CXCL17: variants seen among roughly 807,000 people sequenced by gnomAD.
CXCL17 encodes the protein C-X-C motif chemokine 17.
CXCL17 carries 9 observed loss-of-function variants against 15.5 expected under a neutral mutation model. The ratio of observed to expected loss-of-function variants is 0.58; its 90% CI spans 0.35 to 1.01. The LOEUF (loss-of-function observed/expected upper bound fraction) is 1.01. CXCL17 is among the 50% of genes least tolerant of loss of function. The pLI is 0.02. For synonymous variants in CXCL17, 52 were observed against 52.3 expected (o/e 0.99, Z 0.02); for missense variants, 133 against 138.2 (o/e 0.96, Z 0.19).
At chr19:42,429,800 T>C (rs1476508739) in intron 3 of CXCL17, among the ~76,000 whole-genome samples, 1 of 152,248 alleles carries the variant, frequency 6.6e-6, no homozygotes, top group African/African-American at 2.4e-5. Context: ...CCATACCTTC[T>C]GGTATATAAA....
intron 1 of CXCL17, among the ~76,000 whole-genome samples, chr19:42,437,420 C>T (rs182152620): frequency 6.6e-6 from 1 of 152,090 alleles, no homozygotes; most frequent in Admixed American, 6.5e-5. Context: ...TTTTGGGAAC[C>T]ACTGATACAG....
rs374072353 is a variant in CXCL17, at chr19:42,433,772, T to A, written c.160+4A>T. Reference sequence around the variant, plus strand: ...ATCGCTGTTGTTGTTGCTGAATTACTGACCTTTGCACTCACATTCTTGGCC... The same window carrying A: ...ATCGCTGTTGTTGTTGCTGAATTACAGACCTTTGCACTCACATTCTTGGCC... On this transcript the variant is annotated splice_donor_region_variant and intron_variant, in intron 2 of 3. Coordinates refer to ENST00000601181, the MANE Select transcript of CXCL17 (RefSeq NM_198477.3). The A allele has an allele frequency of 1.9e-6, 3 of 1,613,410 alleles. No individual in the cohort carries two copies. Among genetic ancestry groups the A allele is most frequent in the Middle Eastern group, 1.7e-4 (1 of 6,060 alleles).
At chr19:42,438,381 A>ATATATAT (rs1338855267) in intron 1 of CXCL17, among the ~76,000 whole-genome samples, 3 of 63,850 alleles carry the variant, frequency 4.7e-5, no homozygotes, top group Non-Finnish European at 7.7e-5. Flanking sequence ...AAAAAAAAAA[A>ATATATAT]ATATATATAT....
At position 42,433,848 on chromosome 19, in the gene CXCL17, T is replaced by A; in HGVS notation, c.88A>T (p.Arg30Ter). ...VSSSLNPGVA[R>*]GHRDRGQASR... Reference sequence around the variant, plus strand: ...GCCTGGCCTCGGTCCCTGTGGCCTCTGGCGACCCCTGTCGGAAGGAAACAG... The same window carrying A: ...GCCTGGCCTCGGTCCCTGTGGCCTCAGGCGACCCCTGTCGGAAGGAAACAG... Residue 30 changes from arginine (R) to a stop codon, truncating the protein, a stop_gained, in exon 2 of 4, where the codon AGA becomes TGA. Transcript: ENST00000601181. LOFTEE classifies it high-confidence loss of function. 6.2e-7 allele frequency: 1 copy of A among 1,613,888 alleles called. No homozygotes were observed. Among genetic ancestry groups the A allele is most frequent in the Non-Finnish European group, 8.5e-7 (1 of 1,179,882 alleles).
intron 1 of CXCL17, among the ~76,000 whole-genome samples, chr19:42,437,408 A>T (rs574592405): frequency 3.3e-5 from 5 of 152,318 alleles, no homozygotes; most frequent in African/African-American, 1.2e-4. Context: ...ACCTAAAATC[A>T]GTTTTGGGAA....
chr19:42,435,854 G>T (rs1163542323), intron 1 of CXCL17, among the ~76,000 whole-genome samples: 2 of 151,238 alleles, frequency 1.3e-5, no homozygotes, highest in Non-Finnish European at 3.0e-5. Context: ...AAGTAGGGGG[G>T]ATCCTAGAGA....
rs374072353 is a variant in CXCL17 at position 42,433,772 on chromosome 19, T to C, written c.160+4A>G. On this transcript the variant is annotated splice_donor_region_variant and intron_variant, in intron 2 of 3. Transcript: ENST00000601181. ...ATCGCTGTTGTTGTTGCTGAATTAC[T>C]GACCTTTGCACTCACATTCTTGGCC... 4.6e-5 allele frequency: 75 copies of C among 1,613,292 alleles called. No homozygotes were observed. Among genetic ancestry groups the C allele is most frequent in the Non-Finnish European group, 6.1e-5 (72 of 1,179,430 alleles).
At chr19:42,436,010 CTT>C (rs1361827045) in intron 1 of CXCL17, among the ~76,000 whole-genome samples, 1 of 152,128 alleles carries the variant, frequency 6.6e-6, no homozygotes, top group East Asian at 1.9e-4. Context: ...ATAAATTTCT[CTT>C]GTTTATGCCA....
rs374190980 is a variant in CXCL17 at position 42,437,452 on chromosome 19, A to G, written c.80-3596T>C. 9.2e-5 allele frequency among the ~76,000 whole-genome samples: 14 copies of G among 152,304 alleles called. No individual in the cohort carries two copies. In the East Asian group the frequency reaches 2.1e-3, roughly 23 times the overall value. On this transcript the variant is annotated intron_variant, in intron 1 of 3. Coordinates refer to ENST00000601181, the MANE Select transcript of CXCL17 (RefSeq NM_198477.3). ...ACAGTGGCATAAGCATGCACTTTAT[A>G]TCCACATAGGCCTGGGGTCAGCTAC...
rs1472318611 is a variant in CXCL17 at position 42,428,916 on chromosome 19, ATTGT to A, written c.324_327del (p.Lys108AsnfsTer4). ...GGCAGAGCAAAGCTTCTTAGCTGAC[ATTGT>A]TTGAGAAATTGCTGGCAGGCTCTGG... On this transcript the variant is annotated frameshift_variant, in exon 4 of 4. Transcript: ENST00000601181. LOFTEE classifies it high-confidence loss of function. 1 of 1,614,128 alleles carries A rather than the reference ATTGT, an allele frequency of 6.2e-7. No homozygotes were observed. The highest frequency in any genetic ancestry group is 8.5e-7 in the Non-Finnish European group (1 of 1,180,006).
intron 3 of CXCL17, among the ~76,000 whole-genome samples, chr19:42,432,541 G>A (rs764474877): frequency 1.3e-5 from 2 of 152,142 alleles, no homozygotes; most frequent in Non-Finnish European, 2.9e-5. Context: ...GGCTGTGGTG[G>A]AAGGATCACT....
At chr19:42,436,008 C>A (rs1292638841) in intron 1 of CXCL17, among the ~76,000 whole-genome samples, 2 of 152,142 alleles carry the variant, frequency 1.3e-5, no homozygotes, top group East Asian at 1.9e-4. Context: ...GAATAAATTT[C>A]TCTTGTTTAT....
At chr19:42,438,215 A>T (rs996765844) in intron 1 of CXCL17, among the ~76,000 whole-genome samples, 22 of 150,800 alleles carry the variant, frequency 1.5e-4, no homozygotes, top group African/African-American at 5.4e-4. Context: ...AAAATTAGCC[A>T]GGTGTGGTGG....
chr19:42,442,223 T>C (rs957910774), intron 1 of CXCL17, among the ~76,000 whole-genome samples: 3 of 148,228 alleles, frequency 2.0e-5, no homozygotes, highest in Non-Finnish European at 4.4e-5. Flanking sequence ...TCTTTTCTTT[T>C]CTTTCCTTTT....
At chr19:42,439,217 G>A (rs948431711) in intron 1 of CXCL17, among the ~76,000 whole-genome samples, 1 of 131,962 alleles carries the variant, frequency 7.6e-6, no homozygotes, top group Non-Finnish European at 1.5e-5. Context: ...TCACACCACT[G>A]CACTCCAGCC....
At chr19:42,435,188 A>G (rs1451651156) in intron 1 of CXCL17, among the ~76,000 whole-genome samples, 1 of 152,114 alleles carries the variant, frequency 6.6e-6, no homozygotes, top group Non-Finnish European at 1.5e-5. Context: ...CAAAAAAAAA[A>G]AAAAAATTCC....
rs2040805086 is a variant in CXCL17, at chr19:42,433,640, C to T, written c.160+136G>A. The T allele has an allele frequency of 8.4e-6, 6 of 711,750 alleles. No individual in the cohort carries two copies. In the South Asian group the frequency reaches 9.8e-5, roughly 12 times the overall value. 44.1% of individuals were successfully genotyped at this position (711,750 alleles called of 1,614,324 possible). A position where few individuals can be genotyped will look rare whatever the true frequency, so the allele number is the denominator to read the frequency against. ...GTCAGGAAGAAAGTGGGCACAGGTG[C>T]TGCATGTGGCAGGCTGTGGAGAGGG... On this transcript the variant is annotated intron_variant, in intron 2 of 3. Transcript: ENST00000601181.
chr19:42,435,309 T>C (rs2040823271), intron 1 of CXCL17, among the ~76,000 whole-genome samples: 1 of 152,260 alleles, frequency 6.6e-6, no homozygotes, highest in Non-Finnish European at 1.5e-5. Context: ...ACATGAATTA[T>C]ACCTTCATAT....
intron 1 of CXCL17, among the ~76,000 whole-genome samples, chr19:42,436,977 G>T (rs1479208979): frequency 1.3e-5 from 2 of 151,894 alleles, no homozygotes; most frequent in African/African-American, 4.8e-5. Context: ...TCACTCTGTC[G>T]CCCAGGCTGG....
Sources: gnomAD v4.1 joint callset for allele counts (sites outside exome capture counted in the v4.1 genomes callset) on GRCh38, gnomAD v4.1.1 for gene constraint, MANE v1.5 for transcripts, NCBI Gene and HGNC (gene_info 2026-07-23, HGNC 2026-07-21) for gene names.